Variants in GSN observed in about 807,000 individuals in gnomAD.
GSN encodes the protein actin-depolymerizing factor.
GSN carries 56 observed loss-of-function variants against 85.7 expected under a neutral mutation model. The observed-to-expected ratio is 0.65, with a 90% CI of 0.53 to 0.82. The LOEUF (loss-of-function observed/expected upper bound fraction) is 0.82. Ranked by LOEUF, GSN falls within the 40% of genes least tolerant of loss-of-function variation. The pLI is 0.00. For synonymous variants in GSN, 373 were observed against 399.1 expected (o/e 0.93, Z 0.78); for missense variants, 857 against 979.8 (o/e 0.87, Z 1.67).
intron 4 of GSN, among the ~76,000 whole-genome samples, chr9:121,307,995 C>T (rs1007263945): frequency 6.6e-6 from 1 of 152,240 alleles, no homozygotes; most frequent in African/African-American, 2.4e-5. Context: ...TGCAGCTGGT[C>T]AGTCCCTCAC....
At chr9:121,300,114 GT>G (rs1184213105) in intron 2 of GSN, 2 of 1,609,974 alleles carry the variant, frequency 1.2e-6, no homozygotes, top group Non-Finnish European at 1.7e-6. Context: ...TGGAAAAACT[GT>G]TTTGTTGCTT....
chr9:121,252,156 A>C (rs2054852647), intron 6 of GSN, among the ~76,000 whole-genome samples: 1 of 152,194 alleles, frequency 6.6e-6, no homozygotes, highest in African/African-American at 2.4e-5. Flanking sequence ...CAAACCAGGA[A>C]GGGTCAATTC....
the GSN span, chr9:121,201,847 T>C: frequency 6.6e-6 from 1 of 152,408 alleles, no homozygotes; most frequent in Admixed American, 6.5e-5. Flanking sequence ...TCCCTCAGTA[T>C]CTTCCTCGGG....
rs765049719 is a variant in GSN at position 121,251,963 on chromosome 9, A to AAAAC, written c.-341+3656_-341+3659dup. On this transcript the variant is annotated intron_variant, in intron 6 of 24. Coordinates refer to the GSN transcript ENST00000373823. ...GCGACAAGAGCAAAACTCTGTCTCC[A>AAAAC]AAACAAACAAACAAACAAAAGACAT... 4.6e-5 allele frequency among the ~76,000 whole-genome samples: 7 copies of AAAAC among 152,310 alleles called. No individual in the cohort carries two copies. The South Asian group carries it at 8.3e-4, about 18-fold the overall frequency.
intron 10 of GSN, among the ~76,000 whole-genome samples, chr9:121,319,683 A>G (rs1161627424): frequency 6.6e-6 from 1 of 152,138 alleles, no homozygotes; most frequent in African/African-American, 2.4e-5. Context: ...TATCATTAGA[A>G]GAAAAAAATC....
At chr9:121,297,032 G>T (rs946906869) in intron 2 of GSN, among the ~76,000 whole-genome samples, 29 of 152,256 alleles carry the variant, frequency 1.9e-4, no homozygotes, top group African/African-American at 6.5e-4. Context: ...GAGTCACACT[G>T]CTCTGGAAGG....
intron 6 of GSN, among the ~76,000 whole-genome samples, chr9:121,250,391 AGACGG>A (rs2054795983): frequency 6.6e-6 from 1 of 152,010 alleles, no homozygotes. Context: ...TTTTTAGTAG[AGACGG>A]GGTTTCACCA....
At chr9:121,254,906 G>A (rs995588249) in intron 6 of GSN, among the ~76,000 whole-genome samples, 4 of 151,866 alleles carry the variant, frequency 2.6e-5, no homozygotes, top group African/African-American at 9.7e-5. Context: ...AGTATTTTAC[G>A]TAAGTACAAG....
rs2057222895 is a variant in GSN, at chr9:121,280,441, A to C, written c.-102-1029A>C. 3 of 152,240 alleles carry C rather than the reference A, an allele frequency of 2.0e-5. No homozygotes were observed. The South Asian group carries it at 6.2e-4, about 31-fold the overall frequency. The allele number at this position is 152,240 out of a possible 1,614,324, so 9.4% of individuals were successfully genotyped here. A position where few individuals can be genotyped will look rare whatever the true frequency, so the allele number is the denominator to read the frequency against. ...CTTGCCTCCAAGGAGCTTACAGCCT[A>C]GAGGGAGAGAAAGTCCTATCACCAG... is the stretch of plus-strand genomic sequence containing the variant. On this transcript the variant is annotated intron_variant, in intron 1 of 17. Coordinates refer to ENST00000432226, the MANE Select transcript of GSN (RefSeq NM_198252.3).
upstream of GSN, among the ~76,000 whole-genome samples, chr9:121,266,596 A>G (rs1410076222): frequency 6.6e-6 from 1 of 152,196 alleles, no homozygotes; most frequent in African/African-American, 2.4e-5. Flanking sequence ...GACATAAGAC[A>G]TTGAGCAAAG....
rs1352951650 is a variant in GSN, at chr9:121,302,926, A to G, written c.212A>G (p.Gln71Arg). The change falls in exon 4 of 18, where the codon CAG (glutamine) becomes CGG (arginine). Residue 71 changes from glutamine (Q) to arginine (R), a missense_variant. Physicochemically the swap from Gln to Arg is conservative, Grantham distance 43. Transcript: ENST00000432226. The part of the protein sequence containing the change: ...LHYWLGNECS[Q>R]DESGAAAIFT... ...TGTCCCGTAGGCAATGAGTGCAGCC[A>G]GGATGAGAGCGGGGCGGCCGCCATC... is the stretch of plus-strand genomic sequence containing the variant. 1 of 1,613,844 alleles carries G rather than the reference A, an allele frequency of 6.2e-7. No individual in the cohort carries two copies. Among genetic ancestry groups the G allele is most frequent in the Admixed American group, 1.7e-5 (1 of 60,014 alleles).
chr9:121,218,222 C>T (rs2132099650), intron 4 of GSN, among the ~76,000 whole-genome samples: 1 of 152,270 alleles, frequency 6.6e-6, no homozygotes, highest in South Asian at 2.1e-4. Context: ...AGCAGAGAGA[C>T]CAGTTCTCCA....
intron 2 of GSN, among the ~76,000 whole-genome samples, chr9:121,291,202 T>C (rs1039869155): frequency 6.6e-6 from 1 of 152,198 alleles, no homozygotes; most frequent in African/African-American, 2.4e-5. Context: ...TAAATAGCAT[T>C]TACATTGTAT....
intron 5 of GSN, chr9:121,311,719 T>C (rs1416955154): frequency 6.6e-6 from 1 of 152,524 alleles, no homozygotes; most frequent in Non-Finnish European, 1.5e-5. Flanking sequence ...TTCTTTTATC[T>C]CTGACCTTTT....
At chr9:121,238,802 GTCAAGAAGA>G in intron 5 of GSN, 1 of 521,046 alleles carries the variant, frequency 1.9e-6, no homozygotes, top group South Asian at 1.4e-5. Context: ...GAAATTCCAA[GTCAAGAAGA>G]TCATCTGAGC....
chr9:121,325,062 C>T (rs536196885), intron 12 of GSN, among the ~76,000 whole-genome samples: 13 of 152,292 alleles, frequency 8.5e-5, no homozygotes, highest in African/African-American at 2.2e-4. Context: ...CTCTGGGCAA[C>T]GTTGGGCAAG....
intron 2 of GSN, among the ~76,000 whole-genome samples, chr9:121,298,288 C>G (rs147050280): frequency 6.6e-6 from 1 of 152,358 alleles, no homozygotes; most frequent in East Asian, 1.9e-4. Flanking sequence ...CCTGGAATGT[C>G]TTTTCTTCTT....
At chr9:121,305,986 A>G (rs1254086908) in intron 4 of GSN, among the ~76,000 whole-genome samples, 2 of 152,162 alleles carry the variant, frequency 1.3e-5, no homozygotes, top group Non-Finnish European at 2.9e-5. Flanking sequence ...AAGCCACTAG[A>G]AAGGGCTGAC....
intron 4 of GSN, among the ~76,000 whole-genome samples, chr9:121,225,630 C>G (rs758995713): frequency 5.3e-5 from 8 of 152,220 alleles, no homozygotes; most frequent in Non-Finnish European, 1.2e-4. Flanking sequence ...TAGCCACACC[C>G]AGATTAGAAT....
Sources: gnomAD v4.1 joint callset for allele counts (sites outside exome capture counted in the v4.1 genomes callset) on GRCh38, gnomAD v4.1.1 for gene constraint, MANE v1.5 for transcripts, NCBI Gene and HGNC (gene_info 2026-07-23, HGNC 2026-07-21) for gene names.